TERF1: variants seen among roughly 807,000 people sequenced by gnomAD.
TERF1 encodes telomeric repeat-binding factor 1.
TERF1 carries 20 observed loss-of-function variants against 55.1 expected under a neutral mutation model. That is an observed-to-expected ratio of 0.36 (90% CI 0.26 to 0.53). TERF1 has a LOEUF of 0.53. Among genes scored for constraint, TERF1 ranks in the 20% least tolerant of loss-of-function variants. The pLI is 0.91. For synonymous variants in TERF1, 168 were observed against 181.2 expected, an observed-to-expected ratio of 0.93 and a Z score of 0.59; for missense variants, 439 against 535.7, an observed-to-expected ratio of 0.82 and a Z score of 1.78.
At chr8:73,037,741 ATATAT>A (rs1809628567) in intron 8 of TERF1, among the ~76,000 whole-genome samples, 1 of 85,846 alleles carries the variant, frequency 1.2e-5, no homozygotes, top group African/African-American at 5.0e-5. Context: ...AGTATGAAAT[ATATAT>A]TATATATAAT....
intron 9 of TERF1, among the ~76,000 whole-genome samples, chr8:73,039,494 G>T (rs191995051): frequency 6.6e-6 from 1 of 152,178 alleles, no homozygotes; most frequent in Admixed American, 6.5e-5. Context: ...TAGATGTAAG[G>T]TGGGACTTAA....
chr8:73,037,658 TA>T (rs1809606341), intron 8 of TERF1, among the ~76,000 whole-genome samples: 2 of 49,102 alleles, frequency 4.1e-5, no homozygotes, highest in African/African-American at 1.4e-4. Flanking sequence ...ATATTATATG[TA>T]TAATAATATT....
In TERF1 at chr8:73,019,730, C is replaced by G. The variant is rs56133640; in HGVS notation, c.416-954C>G. Among the ~76,000 whole-genome samples the G allele has an allele frequency of 2.1e-3, 316 of 152,296 alleles. 2 individuals are homozygous for G. Among genetic ancestry groups the G allele is most frequent in the Admixed American group, 6.2e-3 (95 of 15,288 alleles). On this transcript the variant is annotated intron_variant, in intron 2 of 9. Transcript: ENST00000276603. ...TGAACATCAAACTCCTCCTCAGGAC[C>G]TTTGCACTTGCCATTCCCTCTGGAA...
intron 2 of TERF1, among the ~76,000 whole-genome samples, chr8:73,016,843 T>C (rs1808531512): frequency 6.6e-6 from 1 of 152,148 alleles, no homozygotes; most frequent in Non-Finnish European, 1.5e-5. Flanking sequence ...AAGCTGTTCT[T>C]ATTTGTCTTT....
At position 73,027,001 on chromosome 8, in the gene TERF1, G is replaced by T; in HGVS notation, c.836G>T (p.Ser279Ile). ...TRTITSQDKP[S>I]GNDVEMETEA... ...ACAATAACTTCTCAAGATAAACCTA[G>T]TGGTAATGATGTTGAAATGGAAACT... The change falls in exon 6 of 10, where the codon AGT (serine) becomes ATT (isoleucine). Residue 279 changes from serine (S) to isoleucine (I), a missense_variant. Around this residue, in one of 4 missense-constraint regions of TERF1, gnomAD observed 140 missense variants for 158.6 expected, o/e 0.88. Coordinates refer to ENST00000276603, the MANE Select transcript of TERF1 (RefSeq NM_017489.3). 1.9e-6 allele frequency: 3 copies of T among 1,612,556 alleles called. No individual in the cohort carries two copies. The highest frequency in any genetic ancestry group is 2.5e-6 in the Non-Finnish European group (3 of 1,179,716).
At chr8:73,031,914 G>C in intron 7 of TERF1, 128 bp from the exon 8 acceptor site, 1 of 561,718 alleles carries the variant, frequency 1.8e-6, no homozygotes, top group Non-Finnish European at 3.1e-6. Context: ...AGCAGGGAGA[G>C]CACCAAAGGA....
chr8:73,026,210 A>G (rs1419705381), intron 5 of TERF1, among the ~76,000 whole-genome samples: 1 of 130,734 alleles, frequency 7.6e-6, no homozygotes, highest in African/African-American at 2.9e-5. Context: ...AAAAAAACAC[A>G]TTTCTAGTCA....
intron 9 of TERF1, among the ~76,000 whole-genome samples, chr8:73,045,045 A>G (rs1032806533): frequency 5.3e-5 from 8 of 152,180 alleles, no homozygotes; most frequent in Non-Finnish European, 1.5e-5. Flanking sequence ...TGTACCCAGA[A>G]GTGGAATTGC....
At chr8:73,034,977 T>C (rs552688394) in intron 8 of TERF1, among the ~76,000 whole-genome samples, 1 of 152,250 alleles carries the variant, frequency 6.6e-6, no homozygotes, top group African/African-American at 2.4e-5. Flanking sequence ...TGAAAGCAAA[T>C]CAAATTTTAG....
chr8:73,034,713 A>G (rs929594258), intron 8 of TERF1, among the ~76,000 whole-genome samples: 1 of 151,860 alleles, frequency 6.6e-6, no homozygotes, highest in Non-Finnish European at 1.5e-5. Flanking sequence ...GAAATTATTA[A>G]TATTTGAGTT....
At chr8:73,042,277 G>A (rs934793746) in intron 9 of TERF1, among the ~76,000 whole-genome samples, 4 of 152,072 alleles carry the variant, frequency 2.6e-5, no homozygotes, top group Non-Finnish European at 4.4e-5. Flanking sequence ...TATTCAAAAC[G>A]AAATATAGGA....
chr8:73,013,970 T>C lies in TERF1; in HGVS notation c.395T>C (p.Ile132Thr). Residue 132 changes from isoleucine to threonine, a missense_variant, in exon 2 of 10, where the codon ATT becomes ACT. By Grantham distance (89) the Ile-to-Thr change is moderately conservative (BLOSUM62 -1). Transcript: ENST00000276603. ...TIYICQFLTRIAAGKTLDAQF... is the reference protein window; with the variant it reads ...TIYICQFLTRTAAGKTLDAQF... ...TACATATGTCAGTTTTTGACAAGAA[T>C]TGCAGCAGGAAAAACCCTTGGTAAA... The C allele has an allele frequency of 6.2e-7, 1 of 1,609,972 alleles. No individual in the cohort carries two copies. The highest frequency in any genetic ancestry group is 8.5e-7 in the Non-Finnish European group (1 of 1,178,178).
chr8:73,017,848 G>C (rs1006627028), intron 2 of TERF1, among the ~76,000 whole-genome samples: 2 of 151,958 alleles, frequency 1.3e-5, no homozygotes, highest in African/African-American at 2.4e-5. Flanking sequence ...GACTACAGGC[G>C]TGCGCCACCA....
At chr8:73,044,406 C>T (rs1363806012) in intron 9 of TERF1, among the ~76,000 whole-genome samples, 5 of 152,146 alleles carry the variant, frequency 3.3e-5, no homozygotes, top group Non-Finnish European at 5.9e-5. Flanking sequence ...TGGTTACGGT[C>T]ACTGCCAACT....
chr8:73,008,970 G>T lies in TERF1; in HGVS notation c.84G>T (p.Met28Ile). ...ATGCCGACCCTACTGAGGAGCAGAT[G>T]GCAGAAACAGAGAGAAACGACGAGG... ...GRDADPTEEQ[M>I]AETERNDEEQ... is the part of the protein sequence containing the mutation. The change falls in exon 1 of 10, where the codon ATG (methionine) becomes ATT (isoleucine). Residue 28 changes from methionine (M) to isoleucine (I), a missense_variant. This residue lies in a region of TERF1 where 179 missense variants were observed against 152.6 expected (regional missense o/e 1.17). Transcript: ENST00000276603. 6.2e-7 allele frequency: 1 copy of T among 1,612,900 alleles called. No individual in the cohort carries two copies. Among genetic ancestry groups the T allele is most frequent in the South Asian group, 1.1e-5 (1 of 90,898 alleles).
chr8:73,017,621 A>G (rs552489417), intron 2 of TERF1, among the ~76,000 whole-genome samples: 30 of 152,084 alleles, frequency 2.0e-4, no homozygotes, highest in African/African-American at 7.2e-4. Context: ...TCCTACTTAG[A>G]GTTAATACCA....
At chr8:73,038,076 A>G (rs1222646370) in intron 8 of TERF1, among the ~76,000 whole-genome samples, 2 of 150,064 alleles carry the variant, frequency 1.3e-5, no homozygotes, top group African/African-American at 4.9e-5. Context: ...AGATAGATAG[A>G]TAAAGCTTCT....
chr8:73,019,602 G>A (rs1808665605), intron 2 of TERF1, among the ~76,000 whole-genome samples: 2 of 151,994 alleles, frequency 1.3e-5, no homozygotes, highest in African/African-American at 2.4e-5. Flanking sequence ...TGTCATCATC[G>A]CTCACTGAGC....
In TERF1 at chr8:73,046,889, A is replaced by G. The variant is rs1810058582; in HGVS notation, c.*752A>G. 6.6e-6 allele frequency: 1 copy of G among 152,244 alleles called. No individual in the cohort carries two copies. Among genetic ancestry groups the G allele is most frequent in the African/African-American group, 2.4e-5 (1 of 41,464 alleles). The allele number at this position is 152,244 out of a possible 1,614,324, so 9.4% of individuals were successfully genotyped here. ...TTAATATACTACTTAATTACTTAAG[A>G]TGTTTATTAATAGAATGATAAATGT... On this transcript the variant is annotated 3_prime_UTR_variant, in exon 10 of 10. Coordinates refer to ENST00000276603, the MANE Select transcript of TERF1 (RefSeq NM_017489.3).
Sources: allele counts gnomAD v4.1 joint callset (sites outside exome capture counted in the v4.1 genomes callset), GRCh38; gene constraint gnomAD v4.1.1; regional missense constraint gnomAD v4.1.1; transcripts MANE v1.5; gene names NCBI Gene and HGNC (gene_info 2026-07-23, HGNC 2026-07-21).